Variants in TBC1D14 observed in about 807,000 individuals in gnomAD.
TBC1D14 encodes TBC1 domain family, member 14.
Under a neutral mutation model 79.0 loss-of-function variants are expected in TBC1D14, and 26 were observed. That is an observed-to-expected ratio of 0.33 (90% CI 0.24 to 0.46). The LOEUF is 0.46. Among genes scored for constraint, TBC1D14 ranks in the 20% least tolerant of loss-of-function variants. The probability of loss-of-function intolerance (pLI) is 1.00; values close to 1 mark genes in which losing one functional copy is unlikely to be tolerated. For synonymous variants in TBC1D14, 394 were observed against 349.9 expected (o/e 1.13, Z -1.40); for missense variants, 769 against 887.6 (o/e 0.87, Z 1.70).
chr4:6,943,363 T>C (rs1713097216), intron 2 of TBC1D14, among the ~76,000 whole-genome samples: 1 of 152,228 alleles, frequency 6.6e-6, no homozygotes, highest in Non-Finnish European at 1.5e-5. Flanking sequence ...TCTTGAGAAT[T>C]AAATGCCTGA....
chr4:6,978,151 G>T (rs1410742102), intron 3 of TBC1D14, among the ~76,000 whole-genome samples: 7 of 142,448 alleles, frequency 4.9e-5, no homozygotes, highest in African/African-American at 1.6e-4. Context: ...TAGCCGCCCC[G>T]TCCGGGAGGT....
At chr4:6,912,468 G>A (rs1723082643) in intron 1 of TBC1D14, among the ~76,000 whole-genome samples, 2 of 152,230 alleles carry the variant, frequency 1.3e-5, no homozygotes, top group South Asian at 4.2e-4. Flanking sequence ...TGTCCATCTG[G>A]AAGGCTCTCA....
At chr4:6,946,956 C>T (rs764598586) in intron 2 of TBC1D14, among the ~76,000 whole-genome samples, 9 of 152,240 alleles carry the variant, frequency 5.9e-5, no homozygotes, top group Non-Finnish European at 1.0e-4. Flanking sequence ...CTCCTCTCCT[C>T]TTTTCCTTAC....
At position 7,001,242 on chromosome 4, in the gene TBC1D14, A is replaced by G. The variant is rs1035287649; in HGVS notation, c.1261A>G (p.Ile421Val). The G allele has an allele frequency of 6.2e-7, 1 of 1,613,734 alleles. No homozygotes were observed. Among genetic ancestry groups the G allele is most frequent in the Non-Finnish European group, 8.5e-7 (1 of 1,179,914 alleles). Residue 421 changes from isoleucine (I) to valine (V), a missense_variant, in exon 7 of 14, where the codon ATC becomes GTC. By Grantham distance (29) the Ile-to-Val change is conservative. This residue lies in a region of TBC1D14 where 367 missense variants were observed against 494.4 expected (regional missense o/e 0.74). Transcript: ENST00000409757. ...CTTAGCCATTGGCAACGAGTTAAAT[A>G]TCACCCACGGTGAGTGGCCTGCATG... ...WSLAIGNELN[I>V]THELFDICLA... is the part of the protein sequence containing the mutation.
chr4:7,007,457 G>A (rs569699573), intron 9 of TBC1D14: 4 of 1,009,936 alleles, frequency 4.0e-6, no homozygotes, highest in African/African-American at 1.7e-5. Context: ...GGGTTTTTGC[G>A]GGGGCAGTTG....
At chr4:6,962,255 A>C (rs986094698) in intron 2 of TBC1D14, among the ~76,000 whole-genome samples, 2 of 152,164 alleles carry the variant, frequency 1.3e-5, no homozygotes, top group Non-Finnish European at 2.9e-5. Context: ...GCATGTGTGC[A>C]TATCGGGGTA....
At chr4:6,944,373 C>T (rs1210594418) in intron 2 of TBC1D14, among the ~76,000 whole-genome samples, 5 of 152,108 alleles carry the variant, frequency 3.3e-5, no homozygotes, top group African/African-American at 7.2e-5. Context: ...TGGCTTTTTG[C>T]GTCTGCGTTT....
At position 7,010,757 on chromosome 4, in the gene TBC1D14, G is replaced by A. The variant is rs367752229; in HGVS notation, c.1623G>A (p.Ala541=). The A allele has an allele frequency of 1.9e-5, 31 of 1,613,604 alleles. No homozygotes were observed. Among genetic ancestry groups the A allele is most frequent in the South Asian group, 8.8e-5 (8 of 91,034 alleles). ...TTCTGAATAAACCCTGTCAAATGGCGTTTTTTAGAGTGGACCATGGCCTTG... is the reference window on the plus strand; with the variant it reads ...TTCTGAATAAACCCTGTCAAATGGCATTTTTTAGAGTGGACCATGGCCTTG... ...SNLLNKPCQM[A]FFRVDHGLML... The change falls in exon 11 of 14, where the codon GCG becomes GCA. Residue 541 remains alanine (A), a synonymous_variant. Transcript: ENST00000409757.
At position 6,994,260 on chromosome 4, in the gene TBC1D14, A is replaced by AACCACTTTCC; in HGVS notation, c.926_935dup (p.Ala313PhefsTer20). 6.2e-7 allele frequency: 1 copy of AACCACTTTCC among 1,614,178 alleles called. No individual in the cohort carries two copies. ...AATGTGAGGAAGAATCTTGACTTTG[A>AACCACTTTCC]ACCACTTTCCACCACCGCACTCATC... On this transcript the variant is annotated frameshift_variant, in exon 4 of 14. Coordinates refer to ENST00000409757, the MANE Select transcript of TBC1D14 (RefSeq NM_020773.3). LOFTEE classifies it high-confidence loss of function.
chr4:6,986,388 G>A (rs1051054566), intron 3 of TBC1D14, among the ~76,000 whole-genome samples: 2 of 152,242 alleles, frequency 1.3e-5, no homozygotes, highest in Non-Finnish European at 2.9e-5. Context: ...AGAAGAAGCT[G>A]CACCATTTTA....
intron 12 of TBC1D14, among the ~76,000 whole-genome samples, chr4:7,020,201 G>A (rs1418856596): frequency 1.3e-5 from 2 of 152,212 alleles, no homozygotes; most frequent in Non-Finnish European, 2.9e-5. Context: ...AGGGTGGGGA[G>A]GACTCTGGGA....
chr4:6,915,347 G>A (rs1484243448), intron 1 of TBC1D14, among the ~76,000 whole-genome samples: 1 of 152,202 alleles, frequency 6.6e-6, no homozygotes, highest in African/African-American at 2.4e-5. Context: ...CCCTGCGACC[G>A]GGGTAGGGGG....
intron 4 of TBC1D14, among the ~76,000 whole-genome samples, chr4:6,996,022 A>G (rs1036686264): frequency 6.8e-6 from 1 of 146,718 alleles, no homozygotes; most frequent in East Asian, 2.0e-4. Context: ...ATTTTTTAGT[A>G]GAGACGGGTT....
chr4:6,922,042 T>C (rs1011314322), intron 1 of TBC1D14, among the ~76,000 whole-genome samples: 1 of 152,020 alleles, frequency 6.6e-6, no homozygotes, highest in South Asian at 2.1e-4. Context: ...GTGTGATTAA[T>C]GGATTTTGTT....
chr4:6,924,144 G>A, intron 2 of TBC1D14, 33 bp downstream of exon 2: 1 of 1,585,122 alleles, frequency 6.3e-7, no homozygotes. Flanking sequence ...GAAGATCGTG[G>A]TGGTTGAGTC....
At chr4:6,919,723 C>T (rs979069446) in intron 1 of TBC1D14, among the ~76,000 whole-genome samples, 10 of 152,026 alleles carry the variant, frequency 6.6e-5, no homozygotes, top group Admixed American at 2.6e-4. Context: ...TGGGTTCAAG[C>T]GATTCTCCTG....
chr4:7,028,500 C>A (rs1722700296), intron 13 of TBC1D14, among the ~76,000 whole-genome samples: 1 of 151,500 alleles, frequency 6.6e-6, no homozygotes, highest in Non-Finnish European at 1.5e-5. Flanking sequence ...AATCTTGGCT[C>A]ACTGCAACCT....
intron 3 of TBC1D14, chr4:6,987,030 C>G: frequency 1.5e-5 from 5 of 344,566 alleles, no homozygotes; most frequent in Non-Finnish European, 1.8e-5. Flanking sequence ...TGTCGGCGCG[C>G]GTCCCCGGTG....
chr4:7,003,379 C>T (rs1044782181), intron 7 of TBC1D14, among the ~76,000 whole-genome samples: 4 of 152,196 alleles, frequency 2.6e-5, no homozygotes, highest in Admixed American at 6.5e-5. Context: ...AAAGCTTGGC[C>T]GGCCTCCTGG....
Sources: gnomAD v4.1 joint callset for allele counts (sites outside exome capture counted in the v4.1 genomes callset) on GRCh38, gnomAD v4.1.1 for gene constraint, gnomAD v4.1.1 regional missense constraint, MANE v1.5 for transcripts, NCBI Gene and HGNC (gene_info 2026-07-23, HGNC 2026-07-21) for gene names.